HP1BP3: variants seen among roughly 807,000 people sequenced by gnomAD.
HP1BP3 encodes heterochromatin protein 1-binding protein 3.
A neutral mutation model predicts 62.5 loss-of-function variants in HP1BP3; 12 were observed. That is an observed-to-expected ratio of 0.19 (90% CI 0.12 to 0.31). The LOEUF (loss-of-function observed/expected upper bound fraction) is 0.31. Among genes scored for constraint, HP1BP3 ranks in the 10% least tolerant of loss-of-function variants. The pLI, the probability that HP1BP3 is intolerant of heterozygous loss-of-function variation, is 1.00. For missense variants in HP1BP3, 502 were observed against 651.8 expected, an observed-to-expected ratio of 0.77 and a Z score of 2.50; for synonymous variants, 260 against 237.8, an observed-to-expected ratio of 1.09 and a Z score of -0.86.
chr1:20,765,328 T>C (rs2154540650), intron 8 of HP1BP3, 49 bp downstream of exon 8: 2 of 1,308,806 alleles, frequency 1.5e-6, no homozygotes, highest in African/African-American at 3.0e-5. Flanking sequence ...AAAAGGGAGC[T>C]AAAGGAAGTA....
intron 7 of HP1BP3, among the ~76,000 whole-genome samples, chr1:20,766,374 A>G (rs1022770611): frequency 2.6e-5 from 4 of 152,196 alleles, no homozygotes; most frequent in Non-Finnish European, 4.4e-5. Context: ...ACAGCACCAG[A>G]AAAAAATGCA....
At chr1:20,751,553 T>A (rs2055751922) in intron 9 of HP1BP3, among the ~76,000 whole-genome samples, 1 of 151,774 alleles carries the variant, frequency 6.6e-6, no homozygotes, top group African/African-American at 2.4e-5. Context: ...AGTGAGACTC[T>A]CTCTCTACTA....
Position 20,780,516 on chromosome 1 carries a change from G to T in HP1BP3, c.-76C>A. On this transcript the variant is annotated 5_prime_UTR_variant, in exon 2 of 13. Coordinates refer to ENST00000438032, the MANE Select transcript of HP1BP3 (RefSeq NM_001372052.1). ...GTTAACCACAAGGATTTTTCCTAATGGTTTCAGTGTGGTGAAGAATCAACC... is the reference window on the plus strand; with the variant it reads ...GTTAACCACAAGGATTTTTCCTAATTGTTTCAGTGTGGTGAAGAATCAACC... The T allele has an allele frequency of 9.6e-7, 1 of 1,043,738 alleles. No homozygotes were observed. The highest frequency in any genetic ancestry group is 1.5e-6 in the Non-Finnish European group (1 of 667,570). The allele number at this position is 1,043,738 out of a possible 1,614,324, so 64.7% of individuals were successfully genotyped here. A position where few individuals can be genotyped will look rare whatever the true frequency, so the allele number is the denominator to read the frequency against.
intron 8 of HP1BP3, among the ~76,000 whole-genome samples, chr1:20,764,606 TCAA>T (rs560302212): frequency 2.8e-4 from 42 of 149,898 alleles, no homozygotes; most frequent in Admixed American, 1.7e-3. Flanking sequence ...GATACACAGT[TCAA>T]TACTACATAT....
intron 4 of HP1BP3, chr1:20,775,897 T>C: frequency 7.0e-7 from 1 of 1,426,666 alleles, no homozygotes; most frequent in Non-Finnish European, 9.3e-7. Flanking sequence ...TAAAGATGTA[T>C]CTCTCAGAAT....
intron 10 of HP1BP3, among the ~76,000 whole-genome samples, chr1:20,748,663 G>A (rs915449399): frequency 1.3e-5 from 2 of 152,132 alleles, no homozygotes; most frequent in Non-Finnish European, 2.9e-5. Flanking sequence ...AGGGGGTGGA[G>A]GTAGGAGAAT....
intron 9 of HP1BP3, among the ~76,000 whole-genome samples, chr1:20,752,724 A>T (rs1295527755): frequency 1.3e-5 from 2 of 152,070 alleles, no homozygotes; most frequent in Admixed American, 6.6e-5. Context: ...CTTATGGTTT[A>T]AAAAAAAGAG....
intron 9 of HP1BP3, chr1:20,755,354 C>G (rs2056037673): frequency 2.2e-6 from 1 of 453,890 alleles, no homozygotes; most frequent in Non-Finnish European, 4.4e-6. Flanking sequence ...GACTACTTCA[C>G]TGAACCCAGG....
intron 9 of HP1BP3, among the ~76,000 whole-genome samples, chr1:20,751,625 G>C (rs979157925): frequency 2.6e-5 from 4 of 151,986 alleles, no homozygotes; most frequent in African/African-American, 9.7e-5. Flanking sequence ...GAAAGGGTGA[G>C]GGGGGAGGAT....
At chr1:20,776,080 C>A in intron 4 of HP1BP3, 3 of 1,280,822 alleles carry the variant, frequency 2.3e-6, no homozygotes, top group Admixed American at 2.9e-5. Flanking sequence ...ACATCAATAG[C>A]AAATTTTACT....
At chr1:20,766,894 G>A (rs1021302424) in intron 7 of HP1BP3, among the ~76,000 whole-genome samples, 2 of 152,184 alleles carry the variant, frequency 1.3e-5, no homozygotes, top group Non-Finnish European at 2.9e-5. Flanking sequence ...AGTGAGCCAA[G>A]ATCGTGCCAC....
At chr1:20,776,357 T>C in intron 4 of HP1BP3, 1 of 442,190 alleles carries the variant, frequency 2.3e-6, no homozygotes, top group Non-Finnish European at 3.9e-6. Context: ...CAAAAACACA[T>C]TCCAAAGCCA....
intron 5 of HP1BP3, among the ~76,000 whole-genome samples, chr1:20,772,256 T>C (rs1377609540): frequency 6.6e-6 from 1 of 152,278 alleles, no homozygotes; most frequent in African/African-American, 2.4e-5. Flanking sequence ...ATACACATTA[T>C]CTATATAAAA....
chr1:20,778,461 C>G (rs961652476), intron 3 of HP1BP3, among the ~76,000 whole-genome samples: 3 of 152,190 alleles, frequency 2.0e-5, no homozygotes, highest in East Asian at 3.8e-4. Context: ...ACATCTGAAC[C>G]CTCTGGCATA....
intron 1 of HP1BP3, among the ~76,000 whole-genome samples, chr1:20,782,569 G>A (rs2057606603): frequency 6.7e-6 from 1 of 150,026 alleles, no homozygotes; most frequent in African/African-American, 2.5e-5. Flanking sequence ...AGGTGACAGA[G>A]CAGAGCCTGC....
chr1:20,781,864 G>T (rs1301768079), intron 1 of HP1BP3, among the ~76,000 whole-genome samples: 2 of 152,206 alleles, frequency 1.3e-5, no homozygotes, highest in African/African-American at 4.8e-5. Context: ...GATCTCAGAT[G>T]ATCTGCCCGC....
chr1:20,774,990 CAA>C (rs35132708), intron 4 of HP1BP3: 21 of 77,126 alleles, frequency 2.7e-4, no homozygotes, highest in Non-Finnish European at 2.6e-4. Context: ...GACTCCATCT[CAA>C]AAAAAAAAAA....
intron 8 of HP1BP3, among the ~76,000 whole-genome samples, chr1:20,760,544 A>T (rs1486293715): frequency 6.7e-6 from 1 of 148,240 alleles, no homozygotes; most frequent in East Asian, 2.0e-4. Flanking sequence ...CCAGCTTGGA[A>T]AAAAAAAAAA....
chr1:20,779,944 A>G lies in HP1BP3; in HGVS notation c.97-33T>C, dbSNP rs1429458727. 5 of 1,545,096 alleles carry G rather than the reference A, an allele frequency of 3.2e-6. No homozygotes were observed. In the African/African-American group the frequency reaches 4.1e-5, roughly 13 times the overall value. ...AAGAGATGGCCATAATCAAACATGC[A>G]TTAAAAAATTCTCTTTTCTCTCTTT... On this transcript the variant is annotated intron_variant, in intron 2 of 12. Coordinates refer to ENST00000438032, the MANE Select transcript of HP1BP3 (RefSeq NM_001372052.1).
Sources: gnomAD v4.1 joint callset for allele counts (sites outside exome capture counted in the v4.1 genomes callset) on GRCh38, gnomAD v4.1.1 for gene constraint, MANE v1.5 for transcripts, NCBI Gene and HGNC (gene_info 2026-07-23, HGNC 2026-07-21) for gene names.